The following MSI2 variants were observed in gnomAD, a reference collection of about 807,000 sequenced individuals.
The protein encoded by MSI2 is musashi RNA binding protein 2, also known as RNA-binding protein Musashi homolog 2.
A neutral mutation model predicts 45.6 loss-of-function variants in MSI2; 17 were observed. The observed-to-expected ratio is 0.37, with a 90% confidence interval of 0.26 to 0.56. MSI2 has a LOEUF of 0.56. MSI2 is among the 20% of genes least tolerant of loss of function. MSI2 has a pLI of 0.77. For missense variants in MSI2, 293 were observed against 444.2 expected (o/e 0.66, Z 3.06); for synonymous variants, 156 against 158.2 (o/e 0.99, Z 0.11).
intron 11 of MSI2, among the ~76,000 whole-genome samples, chr17:57,668,707 G>A (rs567161677): frequency 6.6e-6 from 1 of 152,282 alleles, no homozygotes; most frequent in African/African-American, 2.4e-5. Context: ...ACCAGGCTGC[G>A]TTTGTACCTC....
intron 10 of MSI2, among the ~76,000 whole-genome samples, chr17:57,645,610 T>A (rs990359264): frequency 2.6e-5 from 4 of 151,782 alleles, no homozygotes; most frequent in East Asian, 1.9e-4. Flanking sequence ...TAGCTTTTTT[T>A]TTTTTATTTT....
chr17:57,699,569 A>ATATT, the MSI2 span, among the ~76,000 whole-genome samples: 1 of 152,084 alleles, frequency 6.6e-6, no homozygotes, highest in Non-Finnish European at 1.5e-5. Flanking sequence ...CTTTCCCTCA[A>ATATT]GATTCTTATC....
chr17:57,330,182 T>C (rs1049845202), intron 5 of MSI2, among the ~76,000 whole-genome samples: 9 of 152,166 alleles, frequency 5.9e-5, no homozygotes, highest in Non-Finnish European at 2.9e-5. Context: ...CTGTTTTTAC[T>C]GTGGTCCTGG....
At chr17:57,478,439 A>G (rs1432638054) in intron 6 of MSI2, among the ~76,000 whole-genome samples, 1 of 152,210 alleles carries the variant, frequency 6.6e-6, no homozygotes, top group Non-Finnish European at 1.5e-5. Flanking sequence ...TGAAGCCTTT[A>G]GGATGCACTG....
chr17:57,539,832 G>T (rs2087003841), intron 7 of MSI2, among the ~76,000 whole-genome samples: 1 of 152,316 alleles, frequency 6.6e-6, no homozygotes, highest in African/African-American at 2.4e-5. Context: ...AGCTCAAAGT[G>T]CTTCGTAATT....
chr17:57,577,631 C>G (rs1008176774), intron 7 of MSI2, among the ~76,000 whole-genome samples: 4 of 151,988 alleles, frequency 2.6e-5, no homozygotes, highest in African/African-American at 9.7e-5. Context: ...AGGAAGAGCC[C>G]CCTACTTGCT....
rs571180558 is a variant in MSI2, at chr17:57,624,500, TCTTC to T, written c.653-2720_653-2717del. 9.2e-5 allele frequency among the ~76,000 whole-genome samples: 14 copies of T among 152,360 alleles called. No homozygotes were observed. The East Asian group carries it at 2.1e-3, about 23-fold the overall frequency. On this transcript the variant is annotated intron_variant, in intron 9 of 13. Transcript: ENST00000284073. ...GCATCTGAGCCCTGGCCTTTGCTGT[TCTTC>T]CTTCCTTCTTTCTCCGTCGGGTTGC...
At chr17:57,432,217 T>C (rs2084609811) in intron 6 of MSI2, among the ~76,000 whole-genome samples, 2 of 152,180 alleles carry the variant, frequency 1.3e-5, no homozygotes, top group Admixed American at 1.3e-4. Context: ...GGGATTTTAG[T>C]TTCCTTGTCT....
intron 5 of MSI2, among the ~76,000 whole-genome samples, chr17:57,293,061 G>T (rs1910565000): frequency 6.6e-6 from 1 of 151,896 alleles, no homozygotes; most frequent in Non-Finnish European, 1.5e-5. Flanking sequence ...GAGGTCACCT[G>T]TTGTAAATCT....
At chr17:57,643,864 C>T (rs1419892022) in intron 10 of MSI2, among the ~76,000 whole-genome samples, 1 of 152,252 alleles carries the variant, frequency 6.6e-6, no homozygotes, top group African/African-American at 2.4e-5. Context: ...GGGCTCTTGA[C>T]TGCAGGACCT....
intron 6 of MSI2, among the ~76,000 whole-genome samples, chr17:57,506,637 G>A (rs2086235273): frequency 6.6e-6 from 1 of 152,266 alleles, no homozygotes; most frequent in South Asian, 2.1e-4. Context: ...CTGCTGTCGG[G>A]GGAGGCCATG....
chr17:57,514,826 C>A (rs1858265204), intron 6 of MSI2, among the ~76,000 whole-genome samples: 2 of 151,864 alleles, frequency 1.3e-5, no homozygotes, highest in Admixed American at 1.3e-4. Flanking sequence ...CCAAAAATTT[C>A]CAACCTCTCA....
intron 7 of MSI2, among the ~76,000 whole-genome samples, chr17:57,585,675 T>G (rs2088326928): frequency 6.6e-6 from 1 of 152,232 alleles, no homozygotes; most frequent in African/African-American, 2.4e-5. Context: ...AACCCACTCT[T>G]CAGTGGAGTA....
At chr17:57,619,525 C>G (rs980929974) in intron 9 of MSI2, among the ~76,000 whole-genome samples, 2 of 152,202 alleles carry the variant, frequency 1.3e-5, no homozygotes, top group Non-Finnish European at 2.9e-5. Flanking sequence ...CAGGGGCCTT[C>G]CATTCGGAAT....
chr17:57,516,588 A>G (rs1373781254), intron 6 of MSI2, among the ~76,000 whole-genome samples: 1 of 152,110 alleles, frequency 6.6e-6, no homozygotes, highest in Non-Finnish European at 1.5e-5. Flanking sequence ...CATCCAACAG[A>G]TATTTGTTGA....
intron 5 of MSI2, chr17:57,268,138 T>C (rs1907988980): frequency 6.6e-6 from 1 of 152,238 alleles, no homozygotes; most frequent in Non-Finnish European, 1.5e-5. Context: ...CATACATCTG[T>C]TGCATGTTGT....
At chr17:57,524,929 C>T (rs1053672789) in intron 6 of MSI2, among the ~76,000 whole-genome samples, 1 of 152,196 alleles carries the variant, frequency 6.6e-6, no homozygotes, top group African/African-American at 2.4e-5. Context: ...GTCTCTGGGC[C>T]AGCAGCTGCA....
intron 6 of MSI2, among the ~76,000 whole-genome samples, chr17:57,488,063 G>A (rs929241343): frequency 3.1e-4 from 47 of 152,160 alleles, no homozygotes; most frequent in African/African-American, 1.1e-3. Flanking sequence ...GGAGAGAGCT[G>A]GAAGGAGGAA....
chr17:57,453,248 A>C (rs1220081730), intron 6 of MSI2, among the ~76,000 whole-genome samples: 74 of 151,970 alleles, frequency 4.9e-4, no homozygotes, highest in Non-Finnish European at 1.0e-4. Context: ...CAATCTGCCC[A>C]CCTCAGCCTC....
Sources: gnomAD v4.1 joint callset for allele counts (sites outside exome capture counted in the v4.1 genomes callset) on GRCh38, gnomAD v4.1.1 for gene constraint, MANE v1.5 for transcripts, NCBI Gene and HGNC (gene_info 2026-07-23, HGNC 2026-07-21) for gene names.